KCNH8: variants seen among roughly 807,000 people sequenced by gnomAD.
The protein encoded by KCNH8 is potassium voltage-gated channel subfamily H member 8.
KCNH8 carries 70 observed loss-of-function variants against 103.6 expected under a neutral mutation model. The observed-to-expected ratio is 0.68, with a 90% CI of 0.56 to 0.82. KCNH8 has a LOEUF of 0.82. KCNH8 is among the 40% of genes least tolerant of loss of function. The pLI is 0.00. For missense variants in KCNH8, 1,217 were observed against 1,329.9 expected, an observed-to-expected ratio of 0.92 and a Z score of 1.32; for synonymous variants, 498 against 489.4, an observed-to-expected ratio of 1.02 and a Z score of -0.23.
chr3:19,505,692 C>T (rs4858318), intron 11 of KCNH8, among the ~76,000 whole-genome samples: 115,314 of 151,964 alleles, frequency 0.76, 44,701 homozygotes, highest in African/African-American at 0.93. Flanking sequence ...ATTTTCTGAA[C>T]TTGAATGTTG....
At chr3:19,185,705 T>C (rs2063495210) in intron 1 of KCNH8, among the ~76,000 whole-genome samples, 1 of 151,600 alleles carries the variant, frequency 6.6e-6, no homozygotes, top group South Asian at 2.1e-4. Flanking sequence ...AGCATGCTTA[T>C]GCTCCTATGA....
intron 11 of KCNH8, among the ~76,000 whole-genome samples, chr3:19,494,962 T>C (rs971901294): frequency 6.6e-6 from 1 of 152,160 alleles, no homozygotes; most frequent in African/African-American, 2.4e-5. Context: ...ATGATGAGCA[T>C]TTTTTCATAT....
chr3:19,487,042 G>A (rs957765603), intron 11 of KCNH8, among the ~76,000 whole-genome samples: 17 of 152,202 alleles, frequency 1.1e-4, no homozygotes, highest in Admixed American at 2.0e-4. Context: ...GCAGAAGGTC[G>A]TTCATGTACA....
intron 11 of KCNH8, among the ~76,000 whole-genome samples, chr3:19,499,460 A>G (rs1362587210): frequency 6.6e-6 from 1 of 152,190 alleles, no homozygotes; most frequent in Non-Finnish European, 1.5e-5. Context: ...ATACTCCTTG[A>G]GAAGAGCAAC....
intron 3 of KCNH8, among the ~76,000 whole-genome samples, chr3:19,291,330 G>A (rs1191081969): frequency 6.6e-6 from 1 of 152,038 alleles, no homozygotes; most frequent in African/African-American, 2.4e-5. Flanking sequence ...TTTTAATTGT[G>A]ATGTTAGGGT....
intron 7 of KCNH8, among the ~76,000 whole-genome samples, chr3:19,436,486 G>A (rs1230170851): frequency 6.6e-6 from 1 of 152,112 alleles, no homozygotes; most frequent in Non-Finnish European, 1.5e-5. Context: ...GTTTTATTTG[G>A]CCCACATAGC....
intron 11 of KCNH8, among the ~76,000 whole-genome samples, chr3:19,491,007 G>A (rs866492178): frequency 5.9e-5 from 9 of 152,000 alleles, no homozygotes; most frequent in Admixed American, 3.9e-4. Flanking sequence ...AAATACTCTG[G>A]GCAGAATCTG....
chr3:19,302,762 C>T (rs537015668), intron 3 of KCNH8, among the ~76,000 whole-genome samples: 6 of 152,168 alleles, frequency 3.9e-5, no homozygotes, highest in Non-Finnish European at 8.8e-5. Flanking sequence ...TCCTTAAGCC[C>T]TCTTGAAGTT....
intron 7 of KCNH8, among the ~76,000 whole-genome samples, chr3:19,398,622 C>G (rs908746861): frequency 1.3e-5 from 2 of 151,844 alleles, no homozygotes; most frequent in African/African-American, 2.4e-5. Context: ...GAACATAGAG[C>G]GCCACCAAAC....
At chr3:19,488,587 A>T (rs1022249371) in intron 11 of KCNH8, among the ~76,000 whole-genome samples, 1 of 151,804 alleles carries the variant, frequency 6.6e-6, no homozygotes, top group Non-Finnish European at 1.5e-5. Flanking sequence ...ATTGTGCTGG[A>T]CTCTCCCCTT....
At chr3:19,303,800 G>A (rs1222828796) in intron 3 of KCNH8, among the ~76,000 whole-genome samples, 1 of 152,092 alleles carries the variant, frequency 6.6e-6, no homozygotes, top group Non-Finnish European at 1.5e-5. Flanking sequence ...CACTCACACT[G>A]AACAATCATT....
chr3:19,479,124 C>A (rs1377699176), intron 11 of KCNH8, among the ~76,000 whole-genome samples: 1 of 152,058 alleles, frequency 6.6e-6, no homozygotes, highest in Non-Finnish European at 1.5e-5. Flanking sequence ...TAAGTGGGTT[C>A]CATCCCCTGG....
At chr3:19,380,788 G>C (rs1233932206) in intron 5 of KCNH8, among the ~76,000 whole-genome samples, 1 of 152,176 alleles carries the variant, frequency 6.6e-6, no homozygotes, top group Non-Finnish European at 1.5e-5. Flanking sequence ...CGTGGGTGTG[G>C]CTTGATACTA....
At position 19,202,934 on chromosome 3, in the gene KCNH8, G is replaced by T. The variant is rs148834693; in HGVS notation, c.77-50720G>T. ...CATATCACTAACCACCTGACCACCC[G>T]ACGATACAAATTTGCTGAAGAAGTG... On this transcript the variant is annotated intron_variant, in intron 1 of 15. Transcript: ENST00000328405. Among the ~76,000 whole-genome samples, 3 of 152,046 alleles carry T rather than the reference G, an allele frequency of 2.0e-5. No individual in the cohort carries two copies. In the South Asian group the frequency reaches 6.2e-4, roughly 31 times the overall value.
chr3:19,192,092 A>G lies in KCNH8; in HGVS notation c.76+43297A>G, dbSNP rs377599666. 9.9e-5 allele frequency among the ~76,000 whole-genome samples: 15 copies of G among 151,736 alleles called. 2 individuals carry two copies. The highest frequency in any genetic ancestry group is 5.8e-4 in the East Asian group (3 of 5,170). On this transcript the variant is annotated intron_variant, in intron 1 of 15. Coordinates refer to ENST00000328405, the MANE Select transcript of KCNH8 (RefSeq NM_144633.3). ...GTATAATTCCACAGACTGGATGATA[A>G]TTCCTTTTTGTTTGACAGCAAATGC...
At chr3:19,469,280 T>C (rs2067805853) in intron 11 of KCNH8, among the ~76,000 whole-genome samples, 1 of 152,208 alleles carries the variant, frequency 6.6e-6, no homozygotes, top group Non-Finnish European at 1.5e-5. Context: ...TAAAATACTC[T>C]CCCTCAGGAA....
intron 1 of KCNH8, among the ~76,000 whole-genome samples, chr3:19,229,440 T>C (rs1327440975): frequency 2.0e-5 from 3 of 152,230 alleles, no homozygotes; most frequent in Non-Finnish European, 2.9e-5. Flanking sequence ...TTCTGTGCAC[T>C]TTCAAGCTCA....
rs115503648 is a variant in KCNH8 at position 19,451,301 on chromosome 3, G to A, written c.1722G>A (p.Pro574=). 6.8e-6 allele frequency: 11 copies of A among 1,613,718 alleles called. No individual in the cohort carries two copies. Among genetic ancestry groups the A allele is most frequent in the East Asian group, 2.2e-5 (1 of 44,886 alleles). ...ACATCAAAACCTCTTTCTGTGCTCC[G>A]GGGGAGTATCTGCTGCGTCAAGGGG... ...SLHIKTSFCA[P]GEYLLRQGDA... Residue 574 remains proline (P), a synonymous_variant, in exon 10 of 16, where the codon CCG becomes CCA. Transcript: ENST00000328405.
At chr3:19,255,672 G>T (rs761153403) in intron 2 of KCNH8, among the ~76,000 whole-genome samples, 15 of 151,624 alleles carry the variant, frequency 9.9e-5, no homozygotes, top group Admixed American at 9.9e-4. Flanking sequence ...TAAATTAAAA[G>T]AAGAAAAGGA....
Sources: allele counts gnomAD v4.1 joint callset (sites outside exome capture counted in the v4.1 genomes callset), GRCh38; gene constraint gnomAD v4.1.1; transcripts MANE v1.5; gene names NCBI Gene and HGNC (gene_info 2026-07-23, HGNC 2026-07-21).